Variants in C1QTNF6 observed in about 807,000 individuals in gnomAD.
C1QTNF6 encodes the protein C1q and TNF related 6.
In C1QTNF6, 17 loss-of-function variants were observed where a neutral mutation model predicts 20.7. That is an observed-to-expected ratio of 0.82 (90% CI 0.56 to 1.23). The LOEUF is 1.23. Ranked by LOEUF, C1QTNF6 falls within the 50% of genes most tolerant of loss-of-function variation. The pLI is 0.00. For missense variants in C1QTNF6, 329 were observed against 389.7 expected (o/e 0.84, Z 1.31); for synonymous variants, 130 against 156.3 (o/e 0.83, Z 1.25).
At chr22:37,194,903 T>C (rs1307982385) in intron 2 of C1QTNF6, among the ~76,000 whole-genome samples, 1 of 152,162 alleles carries the variant, frequency 6.6e-6, no homozygotes, top group Non-Finnish European at 1.5e-5. Flanking sequence ...AAGAAAAGCA[T>C]TGCCTGCCGG....
upstream of C1QTNF6, chr22:37,188,324 G>T: frequency 1.2e-6 from 1 of 840,276 alleles, no homozygotes; most frequent in South Asian, 2.0e-5. Context: ...AGGGCGGAGG[G>T]AGGGCGGAGG....
chr22:37,185,681 T>A, intron 1 of C1QTNF6: 2 of 1,236,788 alleles, frequency 1.6e-6, no homozygotes, highest in Non-Finnish European at 2.0e-6. Context: ...GCATGCTGAG[T>A]CTCCGGGCAC....
rs1342444547 is a variant in C1QTNF6 at position 37,182,740 on chromosome 22, G to A, written c.290-5C>T. 2 of 1,591,826 alleles carry A rather than the reference G, an allele frequency of 1.3e-6. No individual in the cohort carries two copies. The highest frequency in any genetic ancestry group is 2.3e-5 in the East Asian group (1 of 44,204). ...GGCCTGGGTCCCCTTTGTCACCTGTGGGGATAAAAAGGGGACAAGTCAGGG... is the reference window on the plus strand; with the variant it reads ...GGCCTGGGTCCCCTTTGTCACCTGTAGGGATAAAAAGGGGACAAGTCAGGG... On this transcript the variant is annotated splice_polypyrimidine_tract_variant and splice_region_variant and intron_variant, in intron 2 of 2. Transcript: ENST00000337843.
chr22:37,186,196 C>T, intron 1 of C1QTNF6: 1 of 959,074 alleles, frequency 1.0e-6, no homozygotes, highest in South Asian at 4.8e-5. Flanking sequence ...CAGCCCATTG[C>T]TAGTCTTTAG....
At position 37,184,435 on chromosome 22, in the gene C1QTNF6, G is replaced by A. The variant is rs766642711; in HGVS notation, c.289+783C>T. The stretch of plus-strand genomic sequence containing the variant: ...CTGGAAGGGAAGCGAGTCCTTCCAC[G>A]TCCTATTGAGAGAGCGGGTAGCCAG... On this transcript the variant is annotated intron_variant, in intron 2 of 2. Coordinates refer to ENST00000337843, the MANE Select transcript of C1QTNF6 (RefSeq NM_031910.4). The surrounding 1 kb of genome is among the most constrained non-coding windows in gnomAD (Gnocchi z 4.0). 47 of 716,906 alleles carry A rather than the reference G, an allele frequency of 6.6e-5. No homozygotes were observed. Among genetic ancestry groups the A allele is most frequent in the Middle Eastern group, 2.3e-4 (1 of 4,334 alleles). The allele number at this position is 716,906 out of a possible 1,614,324, so 44.4% of individuals were successfully genotyped here. A position where few individuals can be genotyped will look rare whatever the true frequency, so the allele number is the denominator to read the frequency against.
intron 2 of C1QTNF6, among the ~76,000 whole-genome samples, chr22:37,185,010 C>T (rs564013915): frequency 1.5e-4 from 23 of 152,162 alleles, no homozygotes; most frequent in Non-Finnish European, 2.9e-4. Context: ...ATCTCCCCAC[C>T]GAGAACGGGT....
chr22:37,196,077 ATGGAG>A (rs1024003878), intron 1 of C1QTNF6: 2 of 152,184 alleles, frequency 1.3e-5, no homozygotes, highest in Non-Finnish European at 2.9e-5. Flanking sequence ...CCTACTCAAG[ATGGAG>A]TGGCTCTGGT....
At position 37,184,139 on chromosome 22, in the gene C1QTNF6, G is replaced by C. The variant is rs573705770; in HGVS notation, c.289+1079C>G. Among the ~76,000 whole-genome samples the C allele has an allele frequency of 1.4e-4, 21 of 152,044 alleles. No individual in the cohort carries two copies. The highest frequency in any genetic ancestry group is 5.1e-4 in the African/African-American group (21 of 41,398). ...AGCCCTGGGGAAGCTGGGTGGGGAG[G>C]GGGGTGTGAGGAAGAGCAACGTCCT... On this transcript the variant is annotated intron_variant, in intron 2 of 2. Coordinates refer to ENST00000337843, the MANE Select transcript of C1QTNF6 (RefSeq NM_031910.4). The surrounding 1 kb of genome is among the most constrained non-coding windows in gnomAD (Gnocchi z 4.0).
intron 1 of C1QTNF6, 189 bp from the exon 2 acceptor site, chr22:37,185,644 CG>C: frequency 7.7e-7 from 1 of 1,292,940 alleles, no homozygotes; most frequent in Non-Finnish European, 9.8e-7. Context: ...TCCCCAAGAT[CG>C]GGAGGAGACT....
chr22:37,182,176 G>A lies in C1QTNF6; in HGVS notation c.*12C>T. On this transcript the variant is annotated 3_prime_UTR_variant, in exon 3 of 3. Coordinates refer to ENST00000337843, the MANE Select transcript of C1QTNF6 (RefSeq NM_031910.4). ...CCTGAGCTCTCCAGCCGGGAGGGTG[G>A]CCCAGAGGCCCTCAGTCGTCCTCGG... 1 of 1,600,292 alleles carries A rather than the reference G, an allele frequency of 6.2e-7. No individual in the cohort carries two copies. Among genetic ancestry groups the A allele is most frequent in the Non-Finnish European group, 8.5e-7 (1 of 1,171,882 alleles).
chr22:37,189,995 T>C (rs1601636038), upstream of C1QTNF6, among the ~76,000 whole-genome samples: 1 of 152,198 alleles, frequency 6.6e-6, no homozygotes, highest in African/African-American at 2.4e-5. Context: ...TGCTCAGAAT[T>C]AGATACTGAT....
rs1388564618 is a variant in C1QTNF6 at position 37,182,214 on chromosome 22, G to A, written c.811C>T (p.His271Tyr). The change falls in exon 3 of 3, where the codon CAC becomes TAC. Residue 271 changes from histidine to tyrosine, a missense_variant. Coordinates refer to ENST00000337843, the MANE Select transcript of C1QTNF6 (RefSeq NM_031910.4). Reference protein sequence around the residue: ...DFDTYITFSGHLIKAEDD With the variant: ...DFDTYITFSGYLIKAEDD Reference sequence around the variant, plus strand: ...CAGTCGTCCTCGGCCTTGATGAGGTGGCCGCTGAAGGTGATGTAGGTGTCG... The same window carrying A: ...CAGTCGTCCTCGGCCTTGATGAGGTAGCCGCTGAAGGTGATGTAGGTGTCG... The A allele has an allele frequency of 1.2e-6, 2 of 1,613,268 alleles. No individual in the cohort carries two copies. The highest frequency in any genetic ancestry group is 1.7e-5 in the Admixed American group (1 of 59,982).
upstream of C1QTNF6, among the ~76,000 whole-genome samples, chr22:37,192,352 C>T (rs939812632): frequency 6.6e-6 from 1 of 152,212 alleles, no homozygotes; most frequent in Non-Finnish European, 1.5e-5. Flanking sequence ...AGCAGTTTTA[C>T]TTATATTCCA....
In C1QTNF6 at chr22:37,184,155, G is replaced by A. The variant is rs892405124; in HGVS notation, c.289+1063C>T. ...GGTGGGGAGGGGGGTGTGAGGAAGA[G>A]CAACGTCCTCACCACGAAATCAGAA... On this transcript the variant is annotated intron_variant, in intron 2 of 2. Transcript: ENST00000337843. This position sits in a 1 kb window ranked among gnomAD's most constrained non-coding sequence, Gnocchi z 4.0. Among the ~76,000 whole-genome samples, 2 of 152,094 alleles carry A rather than the reference G, an allele frequency of 1.3e-5. No individual in the cohort carries two copies. Among genetic ancestry groups the A allele is most frequent in the African/African-American group, 4.8e-5 (2 of 41,398 alleles).
Position 37,182,205 on chromosome 22 carries a change from T to C in C1QTNF6, c.820A>G (p.Lys274Glu), listed in dbSNP as rs1374794376. The change falls in exon 3 of 3, where the codon AAG becomes GAG. Residue 274 changes from lysine (K) to glutamate (E), a missense_variant. Physicochemically the swap from Lys to Glu is moderately conservative, Grantham distance 56 (BLOSUM62 1). Transcript: ENST00000337843. ...TYITFSGHLI[K>E]AEDD The stretch of plus-strand genomic sequence containing the variant: ...AGAGGCCCTCAGTCGTCCTCGGCCT[T>C]GATGAGGTGGCCGCTGAAGGTGATG... The C allele has an allele frequency of 1.2e-6, 2 of 1,612,606 alleles. No individual in the cohort carries two copies. The highest frequency in any genetic ancestry group is 1.7e-5 in the Admixed American group (1 of 59,952).
At chr22:37,186,013 C>G in intron 1 of C1QTNF6, 20 of 985,362 alleles carry the variant, frequency 2.0e-5, no homozygotes, top group Non-Finnish European at 2.4e-5. Flanking sequence ...GATGGGTGGC[C>G]GAGCCCATGC....
At chr22:37,188,385 C>T, upstream of C1QTNF6, 1 of 550,064 alleles carries the variant, frequency 1.8e-6, no homozygotes, top group Non-Finnish European at 3.0e-6. Context: ...CCCTCCCTTT[C>T]AGCCTCTGGG....
rs1159598019 is a variant in C1QTNF6, at chr22:37,182,316, C to A, written c.709G>T (p.Asp237Tyr). 2 of 1,614,224 alleles carry A rather than the reference C, an allele frequency of 1.2e-6. No homozygotes were observed. The highest frequency in any genetic ancestry group is 1.7e-6 in the Non-Finnish European group (2 of 1,180,024). Residue 237 changes from aspartate (D) to tyrosine (Y), a missense_variant, in exon 3 of 3, where the codon GAC becomes TAC. Transcript: ENST00000337843. ...SIMQSQSVML[D>Y]LAYGDRVWVR... is the part of the protein sequence containing the mutation. ...CAGACGCGGTCCCCGTAGGCCAGGT[C>A]CAGCATCACACTCTGGCTCTGCATG... is the stretch of plus-strand genomic sequence containing the variant.
Position 37,188,235 on chromosome 22 carries a change from T to A in C1QTNF6, c.-22A>T, listed in dbSNP as rs534478364. On this transcript the variant is annotated 5_prime_UTR_variant, in exon 1 of 3. The change abolishes an upstream ATG in the 5' untranslated region. Transcript: ENST00000337843. ...GCATGGCCTCTGGCTCCTTGGCCCA[T>A]GTCTGCAATACTAACTTGTTGCTGG... The A allele has an allele frequency of 3.1e-6, 5 of 1,599,532 alleles. No individual in the cohort carries two copies. In the Admixed American group the frequency reaches 6.8e-5, roughly 22 times the overall value.
Sources: gnomAD v4.1 joint callset for allele counts (sites outside exome capture counted in the v4.1 genomes callset) on GRCh38, gnomAD v4.1.1 for gene constraint, Gnocchi (gnomAD v3.1) non-coding constraint, MANE v1.5 for transcripts, NCBI Gene and HGNC (gene_info 2026-07-23, HGNC 2026-07-21) for gene names.